The following ACSS2 variants were observed in gnomAD, a reference collection of about 807,000 sequenced individuals.
ACSS2 encodes acetyl-coenzyme A synthetase, cytoplasmic.
ACSS2 carries 58 observed loss-of-function variants against 90.6 expected under a neutral mutation model. The ratio of observed to expected loss-of-function variants is 0.64; its 90% CI spans 0.52 to 0.80. The LOEUF (loss-of-function observed/expected upper bound fraction) is 0.80, where lower values mean the gene tolerates loss of function less well. Among genes scored for constraint, ACSS2 ranks in the 30% least tolerant of loss-of-function variants. ACSS2 has a pLI of 0.00. For synonymous variants in ACSS2, 300 were observed against 330.9 expected, an observed-to-expected ratio of 0.91 and a Z score of 1.01; for missense variants, 759 against 912.0, an observed-to-expected ratio of 0.83 and a Z score of 2.16.
At chr20:34,879,540 C>T (rs928983834) in intron 1 of ACSS2, among the ~76,000 whole-genome samples, 5 of 151,042 alleles carry the variant, frequency 3.3e-5, no homozygotes, top group African/African-American at 1.2e-4. Flanking sequence ...CCTACCCCCC[C>T]CAAAAAAACC....
chr20:34,877,944 T>TAGATAGA (rs2079968858), intron 1 of ACSS2, among the ~76,000 whole-genome samples: 2 of 60,778 alleles, frequency 3.3e-5, no homozygotes, highest in African/African-American at 5.9e-5. Flanking sequence ...AGATAGATAG[T>TAGATAGA]TTGTTTTGAG....
intron 2 of ACSS2, among the ~76,000 whole-genome samples, chr20:34,904,210 G>A (rs1019231636): frequency 6.6e-6 from 1 of 151,696 alleles, no homozygotes; most frequent in Non-Finnish European, 1.5e-5. Context: ...CAGAGAACCT[G>A]GGGCTGGAGA....
intron 2 of ACSS2, among the ~76,000 whole-genome samples, chr20:34,893,201 ATTTCCTTCCC>A (rs2080378067): frequency 7.1e-6 from 1 of 140,482 alleles, no homozygotes; most frequent in South Asian, 2.3e-4. Context: ...TTCTCCTTTC[ATTTCCTTCCC>A]TTTCCTTCCC....
At chr20:34,876,544 C>G (rs2079911448), upstream of ACSS2, 50 of 1,269,484 alleles carry the variant, frequency 3.9e-5, no homozygotes, top group Non-Finnish European at 4.5e-5. Flanking sequence ...CTCACCAGGC[C>G]CCGCCCCTCT....
At chr20:34,884,717 A>G (rs1601287776) in intron 2 of ACSS2, among the ~76,000 whole-genome samples, 2 of 152,178 alleles carry the variant, frequency 1.3e-5, no homozygotes, top group African/African-American at 2.4e-5. Flanking sequence ...TCCAGCCAAC[A>G]CTTGGGCTCA....
At chr20:34,883,139 A>G in intron 2 of ACSS2, 150 bp downstream of exon 2, 1 of 602,722 alleles carries the variant, frequency 1.7e-6, no homozygotes, top group Middle Eastern at 4.4e-4. Flanking sequence ...TTCAGATCAC[A>G]TAACTAGTAT....
In ACSS2 at chr20:34,913,115, G is replaced by A. The variant is rs1383096487; in HGVS notation, c.394G>A (p.Glu132Lys). 2.5e-6 allele frequency: 4 copies of A among 1,614,100 alleles called. No homozygotes were observed. The highest frequency in any genetic ancestry group is 3.4e-6 in the Non-Finnish European group (4 of 1,180,024). ...AFYWEGNEPGETTQITYHQLL... is the reference protein window; with the variant it reads ...AFYWEGNEPGKTTQITYHQLL... The stretch of plus-strand genomic sequence containing the variant: ...TCTCAGGGAGGGCAATGAGCCAGGG[G>A]AGACCACTCAGATCACATACCATCA... Residue 132 changes from glutamate to lysine, a missense_variant, in exon 3 of 18, where the codon GAG becomes AAG. Glu to Lys is a moderately conservative substitution (Grantham distance 56). Transcript: ENST00000360596.
At chr20:34,908,018 A>C (rs1217922577) in intron 2 of ACSS2, among the ~76,000 whole-genome samples, 1 of 152,210 alleles carries the variant, frequency 6.6e-6, no homozygotes, top group African/African-American at 2.4e-5. Context: ...CTGAGCATCT[A>C]TTCTTGGCTC....
Position 34,926,109 on chromosome 20 carries a change from C to T in ACSS2, c.1731C>T (p.His577=). Residue 577 remains histidine (H), a synonymous_variant, in exon 16 of 18, where the codon CAC becomes CAT. Transcript: ENST00000360596. ...CACTTCCTTTCCCTTGACAAGGACA[C>T]CTGCTGAGTACAGCAGAGGTGGAGT... ...RIDDMLNVSG[H]LLSTAEVESA... is the part of the protein sequence containing the mutation. 1 of 1,614,018 alleles carries T rather than the reference C, an allele frequency of 6.2e-7. No homozygotes were observed.
At chr20:34,913,682 G>A (rs1409443593) in intron 4 of ACSS2, 71 bp from the exon 5 acceptor site, 3 of 1,460,940 alleles carry the variant, frequency 2.1e-6, no homozygotes, top group Admixed American at 1.7e-5. Context: ...AGTTCCATGA[G>A]CAACCCCTTT....
At chr20:34,898,151 A>G (rs2080512049) in intron 2 of ACSS2, among the ~76,000 whole-genome samples, 1 of 152,164 alleles carries the variant, frequency 6.6e-6, no homozygotes, top group Non-Finnish European at 1.5e-5. Flanking sequence ...TGTGGACCCA[A>G]AGAGTGAGCA....
intron 7 of ACSS2, among the ~76,000 whole-genome samples, chr20:34,915,800 T>C (rs944004247): frequency 1.3e-5 from 2 of 152,228 alleles, no homozygotes; most frequent in African/African-American, 2.4e-5. Context: ...AAAGTCATAT[T>C]GTAGGTGGTT....
intron 3 of ACSS2, 78 bp downstream of exon 3, chr20:34,913,265 C>A: frequency 6.4e-7 from 1 of 1,562,868 alleles, no homozygotes; most frequent in Non-Finnish European, 8.8e-7. Context: ...GGGGAGAGGG[C>A]AAGGGATGGA....
chr20:34,876,645 G>A lies in ACSS2; in HGVS notation c.-1G>A, dbSNP rs779630921. 1 of 1,369,984 alleles carries A rather than the reference G, an allele frequency of 7.3e-7. No individual in the cohort carries two copies. Among genetic ancestry groups the A allele is most frequent in the Admixed American group, 3.6e-5 (1 of 27,924 alleles). The allele number at this position is 1,369,984 out of a possible 1,614,324, so 84.9% of individuals were successfully genotyped here. A position where few individuals can be genotyped will look rare whatever the true frequency, so the allele number is the denominator to read the frequency against. On this transcript the variant is annotated 5_prime_UTR_variant, in exon 1 of 18. Transcript: ENST00000360596. ...GGCCGCGGTTCTAGGAACTTGACGTGATGGGGCTTCCTGAGGAGCGGGTCC... is the reference window on the plus strand; with the variant it reads ...GGCCGCGGTTCTAGGAACTTGACGTAATGGGGCTTCCTGAGGAGCGGGTCC...
chr20:34,885,304 C>G (rs184378064), intron 2 of ACSS2, among the ~76,000 whole-genome samples: 65 of 152,294 alleles, frequency 4.3e-4, no homozygotes, highest in South Asian at 2.9e-3. Flanking sequence ...TTTGAAAGAA[C>G]TCAGGTGCCT....
intron 5 of ACSS2, 129 bp from the exon 6 acceptor site, chr20:34,913,967 C>A: frequency 7.4e-7 from 1 of 1,351,364 alleles, no homozygotes; most frequent in Non-Finnish European, 1.1e-6. Context: ...CTCAGCTGAC[C>A]CTCTGTCAGC....
At chr20:34,923,485 C>T in intron 14 of ACSS2, 54 bp downstream of exon 14, 1 of 1,292,414 alleles carries the variant, frequency 7.7e-7, no homozygotes, top group Admixed American at 1.8e-5. Flanking sequence ...GTACCTTCCA[C>T]TTCCATTTTC....
rs116980138 is a variant in ACSS2, at chr20:34,917,479, G to A, written c.835-1956G>A. Among the ~76,000 whole-genome samples the A allele has an allele frequency of 1.2e-3, 188 of 152,230 alleles. 2 individuals carry two copies. In the East Asian group the frequency reaches 0.033, roughly 27 times the overall value. On this transcript the variant is annotated intron_variant, in intron 7 of 17. Transcript: ENST00000360596. ...AAGGGGCAGGTGGTACAGAAAGAAC[G>A]GAGTGGTTAGAGAGTCATTTTCTAA...
rs1252701789 is a variant in ACSS2 at position 34,919,423 on chromosome 20, C to T, written c.835-12C>T. The T allele has an allele frequency of 1.2e-6, 2 of 1,613,704 alleles. No individual in the cohort carries two copies. The highest frequency in any genetic ancestry group is 1.7e-6 in the Non-Finnish European group (2 of 1,179,922). ...TGAGCTGTTCACAGTTCTTCCCTGC[C>T]CATCCCTGCAGATCTCATGGAACCA... is the stretch of plus-strand genomic sequence containing the variant. On this transcript the variant is annotated splice_polypyrimidine_tract_variant and intron_variant, in intron 7 of 17. Coordinates refer to ENST00000360596, the MANE Select transcript of ACSS2 (RefSeq NM_018677.4).
Sources: allele counts gnomAD v4.1 joint callset (sites outside exome capture counted in the v4.1 genomes callset), GRCh38; gene constraint gnomAD v4.1.1; transcripts MANE v1.5; gene names NCBI Gene and HGNC (gene_info 2026-07-23, HGNC 2026-07-21).